The following ATG7 variants were observed in gnomAD, a reference collection of about 807,000 sequenced individuals.
ATG7 encodes the protein ubiquitin-like modifier-activating enzyme ATG7.
A neutral mutation model predicts 82.4 loss-of-function variants in ATG7; 70 were observed. The observed-to-expected ratio is 0.85, with a 90% CI of 0.70 to 1.04. The LOEUF (loss-of-function observed/expected upper bound fraction) is 1.04. Among genes scored for constraint, ATG7 ranks in the 50% least tolerant of loss-of-function variants. ATG7 has a pLI of 0.00. For missense variants in ATG7, 792 were observed against 864.3 expected (o/e 0.92, Z 1.05); for synonymous variants, 287 against 313.0 (o/e 0.92, Z 0.88).
chr3:11,403,335 C>CTT (rs59538035), intron 19 of ATG7, among the ~76,000 whole-genome samples: 26,897 of 144,802 alleles, frequency 0.19, 2,821 homozygotes, highest in South Asian at 0.35. Context: ...CAAGGGTTTT[C>CTT]TTTTTTTTTT....
At chr3:11,458,779 A>G (rs1419419844) in intron 20 of ATG7, among the ~76,000 whole-genome samples, 2 of 152,082 alleles carry the variant, frequency 1.3e-5, no homozygotes, top group East Asian at 1.9e-4. Flanking sequence ...GGGGTCCCCA[A>G]CCCCCAGGCC....
At chr3:11,376,268 A>G (rs546922476) in intron 18 of ATG7, among the ~76,000 whole-genome samples, 2 of 152,324 alleles carry the variant, frequency 1.3e-5, no homozygotes, top group South Asian at 4.1e-4. Context: ...GATGGTTGCA[A>G]AACTGTTCAT....
intron 9 of ATG7, among the ~76,000 whole-genome samples, chr3:11,327,626 T>C (rs549248255): frequency 2.9e-4 from 44 of 152,326 alleles, no homozygotes; most frequent in African/African-American, 9.6e-4. Context: ...TAGAATCACC[T>C]GAGGATCTTT....
chr3:11,372,131 A>G (rs947432312), intron 18 of ATG7, among the ~76,000 whole-genome samples: 2 of 151,366 alleles, frequency 1.3e-5, no homozygotes, highest in African/African-American at 4.9e-5. Context: ...ACATCTGACA[A>G]CAGGGATTTC....
At chr3:11,363,084 T>C in intron 17 of ATG7, 156 bp downstream of exon 17, 2 of 628,256 alleles carry the variant, frequency 3.2e-6, no homozygotes, top group Non-Finnish European at 5.5e-6. Context: ...TCTGGTTCTT[T>C]GGGCTGAGAT....
rs1358064814 is a variant in ATG7 at position 11,331,356 on chromosome 3, AT to A, written c.696del (p.Tyr232Ter). The A allele has an allele frequency of 6.2e-7, 1 of 1,613,514 alleles. No homozygotes were observed. Among genetic ancestry groups the A allele is most frequent in the Admixed American group, 1.7e-5 (1 of 60,030 alleles). ...GQRTKITIGV[Y>X]DPCNLAQYPG... Reference sequence around the variant, plus strand: ...TGTTCACAGATAACAATTGGTGTATATGATCCCTGTAACTTAGCCCAGTACC... The same window carrying A: ...TGTTCACAGATAACAATTGGTGTATAGATCCCTGTAACTTAGCCCAGTACC... On this transcript the variant is annotated frameshift_variant, in exon 10 of 21. Transcript: ENST00000693202. LOFTEE classifies it high-confidence loss of function.
downstream of ATG7, among the ~76,000 whole-genome samples, chr3:11,559,682 G>A (rs933438464): frequency 6.6e-6 from 1 of 152,234 alleles, no homozygotes; most frequent in Non-Finnish European, 1.5e-5. Context: ...GTTTGGATCA[G>A]TGAGGGTACA....
At chr3:11,285,375 C>T (rs546816892) in intron 3 of ATG7, among the ~76,000 whole-genome samples, 2 of 151,210 alleles carry the variant, frequency 1.3e-5, no homozygotes, top group East Asian at 2.0e-4. Context: ...GGGGGCCCAC[C>T]GTGTTGCCCA....
At chr3:11,462,762 GA>G (rs1245563378) in intron 20 of ATG7, among the ~76,000 whole-genome samples, 5 of 152,138 alleles carry the variant, frequency 3.3e-5, no homozygotes, top group African/African-American at 1.2e-4. Context: ...TTCCCAGCTA[GA>G]AAGGTTTTTT....
chr3:11,365,502 T>C (rs1422998120), intron 18 of ATG7, among the ~76,000 whole-genome samples: 1 of 152,210 alleles, frequency 6.6e-6, no homozygotes, highest in East Asian at 1.9e-4. Context: ...TCCAGTCTTA[T>C]TTGGAAATCA....
At chr3:11,360,446 A>G (rs1214420354) in intron 15 of ATG7, 135 bp from the exon 16 acceptor site, 1 of 845,804 alleles carries the variant, frequency 1.2e-6, no homozygotes, top group Admixed American at 2.7e-5. Flanking sequence ...AGATTTTATC[A>G]TCATTAGCTT....
rs563537231 is a variant in ATG7 at position 11,492,071 on chromosome 3, C to A, written c.2080-62740C>A. 2.6e-5 allele frequency among the ~76,000 whole-genome samples: 4 copies of A among 152,324 alleles called. No individual in the cohort carries two copies. In the East Asian group the frequency reaches 7.7e-4, roughly 29 times the overall value. On this transcript the variant is annotated intron_variant, in intron 20 of 20. Coordinates refer to ENST00000693202, the MANE Select transcript of ATG7 (RefSeq NM_001349232.2). ...CGCCCCTCCCCCAGCCTCGCTGCCA[C>A]CTTGCAGTTTGATCTCAGACTGCTG... is the stretch of plus-strand genomic sequence containing the variant.
intron 13 of ATG7, among the ~76,000 whole-genome samples, 195 bp from the exon 14 acceptor site, chr3:11,347,682 A>C (rs542121811): frequency 1.1e-4 from 16 of 152,244 alleles, no homozygotes; most frequent in Non-Finnish European, 2.2e-4. Context: ...CACTGAGTAT[A>C]TAATTATGTT....
intron 11 of ATG7, among the ~76,000 whole-genome samples, chr3:11,334,394 G>A (rs967467646): frequency 2.0e-5 from 3 of 151,700 alleles, no homozygotes; most frequent in Admixed American, 2.0e-4. Flanking sequence ...ACAGGAGCCC[G>A]CCACCATGCC....
At chr3:11,417,958 C>A in intron 19 of ATG7, among the ~76,000 whole-genome samples, 1 of 149,308 alleles carries the variant, frequency 6.7e-6, no homozygotes, top group African/African-American at 2.5e-5. Flanking sequence ...CAGGCACCCA[C>A]CACCATTCTT....
chr3:11,543,358 A>C (rs1180503393), intron 20 of ATG7, among the ~76,000 whole-genome samples: 2 of 152,332 alleles, frequency 1.3e-5, no homozygotes, highest in South Asian at 4.1e-4. Flanking sequence ...CTCCTCCCTC[A>C]GAAGACTAGA....
At chr3:11,395,747 T>C (rs533384148) in intron 19 of ATG7, among the ~76,000 whole-genome samples, 1 of 151,952 alleles carries the variant, frequency 6.6e-6, no homozygotes, top group East Asian at 2.0e-4. Context: ...GAGACCATCC[T>C]GGCTAACACG....
rs779466139 is a variant in ATG7 at position 11,364,690 on chromosome 3, C to T, written c.1831C>T (p.Arg611Trp). The change falls in exon 18 of 21, where the codon CGG becomes TGG. Residue 611 changes from arginine (R) to tryptophan (W), a missense_variant. Physicochemically the swap from Arg to Trp is moderately radical, Grantham distance 101 (BLOSUM62 -3). Coordinates refer to ENST00000693202, the MANE Select transcript of ATG7 (RefSeq NM_001349232.2). ...GYAIASSSDD[R>W]MNEPPTSLGL... is the part of the protein sequence containing the mutation. ...TGCCATTGCCAGCAGCAGTGACGAT[C>T]GGATGAATGAGCCTCCAACCTCTCT... The T allele has an allele frequency of 2.2e-5, 35 of 1,614,016 alleles. No homozygotes were observed. The highest frequency in any genetic ancestry group is 6.7e-5 in the East Asian group (3 of 44,890).
At chr3:11,279,812 A>G (rs1942679404) in intron 1 of ATG7, among the ~76,000 whole-genome samples, 1 of 152,108 alleles carries the variant, frequency 6.6e-6, no homozygotes. Context: ...CTCCTATAAC[A>G]TTCTGTACAA....
Sources: allele counts gnomAD v4.1 joint callset (sites outside exome capture counted in the v4.1 genomes callset), GRCh38; gene constraint gnomAD v4.1.1; transcripts MANE v1.5; gene names NCBI Gene and HGNC (gene_info 2026-07-23, HGNC 2026-07-21).